WDR35: variants seen among roughly 807,000 people sequenced by gnomAD.
WDR35 encodes the protein WD repeat domain 35.
In WDR35, 118 loss-of-function variants were observed where a neutral mutation model predicts 158.3. The observed-to-expected ratio is 0.75, with a 90% CI of 0.64 to 0.87. The LOEUF is 0.87. Among genes scored for constraint, WDR35 ranks in the 40% least tolerant of loss-of-function variants. The pLI is 0.00. For synonymous variants in WDR35, 448 were observed against 476.1 expected (o/e 0.94, Z 0.77); for missense variants, 1,263 against 1,405.8 (o/e 0.90, Z 1.62).
Position 19,989,285 on chromosome 2 carries a change from GA to G in WDR35, c.25-4del, listed in dbSNP as rs1349422608. On this transcript the variant is annotated splice_region_variant and splice_polypyrimidine_tract_variant and intron_variant, in intron 1 of 26. Transcript: ENST00000281405. ...TTCACGTTATTGGGAATGGAAATCT[GA>G]AAAAGCAACCACAGCCGCACTAGCA... 8.7e-6 allele frequency: 14 copies of G among 1,613,644 alleles called. 1 individual carries two copies. In the South Asian group the frequency reaches 1.4e-4, roughly 16 times the overall value.
At position 19,953,994 on chromosome 2, in the gene WDR35, T is replaced by C. The variant is rs1470907087; in HGVS notation, c.1256-16A>G. On this transcript the variant is annotated splice_polypyrimidine_tract_variant and intron_variant, in intron 11 of 26. Coordinates refer to ENST00000281405, the MANE Select transcript of WDR35 (RefSeq NM_020779.4). ...AACAATGGTACTGTTAAAAATAACA[T>C]TAAGATAATTTACAGTTACACAGAA... 2 of 1,613,882 alleles carry C rather than the reference T, an allele frequency of 1.2e-6. No homozygotes were observed. The highest frequency in any genetic ancestry group is 2.2e-5 in the East Asian group (1 of 44,866).
At chr2:19,979,542 A>T (rs1187457972) in intron 4 of WDR35, among the ~76,000 whole-genome samples, 1 of 152,218 alleles carries the variant, frequency 6.6e-6, no homozygotes, top group Non-Finnish European at 1.5e-5. Flanking sequence ...TAGCATAACC[A>T]AACTAGAAGC....
At chr2:19,980,657 G>A in intron 4 of WDR35, 34 bp downstream of exon 4, 1 of 1,584,266 alleles carries the variant, frequency 6.3e-7, no homozygotes, top group Non-Finnish European at 8.7e-7. Flanking sequence ...GCCAACTTGT[G>A]AAAAATTAAA....
At chr2:19,924,749 C>A (rs962525514) in intron 25 of WDR35, among the ~76,000 whole-genome samples, 1 of 152,026 alleles carries the variant, frequency 6.6e-6, no homozygotes, top group Non-Finnish European at 1.5e-5. Context: ...TCTGCTAGCA[C>A]GAGCAATGGC....
At chr2:19,926,694 C>T (rs185745489) in intron 25 of WDR35, among the ~76,000 whole-genome samples, 307 of 152,306 alleles carry the variant, frequency 2.0e-3, no homozygotes, top group African/African-American at 7.0e-3. Flanking sequence ...TCTACAGAAA[C>T]CAGCTGCAAA....
Position 19,978,788 on chromosome 2 carries a change from T to C in WDR35, c.399A>G (p.Val133=), listed in dbSNP as rs538156388. 8.6e-5 allele frequency: 138 copies of C among 1,613,900 alleles called. 1 individual carries two copies. The South Asian group carries it at 1.3e-3, about 15-fold the overall frequency. The change falls in exon 5 of 27, where the codon GTA becomes GTG. Residue 133 remains valine (V), a synonymous_variant. Coordinates refer to ENST00000281405, the MANE Select transcript of WDR35 (RefSeq NM_020779.4). ...CAACTATCACAGCCCCATCTTCATA[T>C]ACAATGCAGATCTTCTGTCCGTCAG... The part of the protein sequence containing the change: ...WNADGQKICI[V]YEDGAVIVGS...
At chr2:19,914,397 A>T in intron 25 of WDR35, 120 bp from the exon 26 acceptor site, 2 of 1,334,468 alleles carry the variant, frequency 1.5e-6, no homozygotes, top group Non-Finnish European at 2.1e-6. Context: ...CTGAAAGCAA[A>T]CAGTGTTGAG....
At chr2:19,949,612 A>T (rs1671170244) in intron 13 of WDR35, among the ~76,000 whole-genome samples, 1 of 152,248 alleles carries the variant, frequency 6.6e-6, no homozygotes, top group Non-Finnish European at 1.5e-5. Flanking sequence ...CAATAGCCAC[A>T]TACGGCTAAT....
chr2:19,969,559 G>T lies in WDR35; in HGVS notation c.929C>A (p.Ser310Tyr). Residue 310 changes from serine to tyrosine, a missense_variant, in exon 9 of 27, where the codon TCT (serine) becomes TAT (tyrosine). By Grantham distance (144) the Ser-to-Tyr change is moderately radical (BLOSUM62 -2). Transcript: ENST00000281405. ...KVPGKEISAL[S>Y]WEGGGLKIAL... Reference sequence around the variant, plus strand: ...AATTTTCAGTCCACCTCCTTCCCAAGATAGTGCAGATATTTCCTTTCCAGG... The same window carrying T: ...AATTTTCAGTCCACCTCCTTCCCAATATAGTGCAGATATTTCCTTTCCAGG... 2.5e-6 allele frequency: 4 copies of T among 1,613,868 alleles called. No homozygotes were observed. The highest frequency in any genetic ancestry group is 3.4e-6 in the Non-Finnish European group (4 of 1,179,916).
intron 11 of WDR35, among the ~76,000 whole-genome samples, chr2:19,959,974 A>G (rs979880032): frequency 2.0e-5 from 3 of 152,004 alleles, no homozygotes; most frequent in Admixed American, 2.0e-4. Flanking sequence ...TTACTTTCAT[A>G]GTTATTGGGT....
intron 8 of WDR35, among the ~76,000 whole-genome samples, chr2:19,973,315 A>G (rs978416663): frequency 1.3e-5 from 2 of 152,132 alleles, no homozygotes; most frequent in African/African-American, 4.8e-5. Flanking sequence ...TAACTACTCC[A>G]TGGTGATTTC....
Position 19,913,713 on chromosome 2 carries a change from A to G in WDR35, c.3363-5T>C, listed in dbSNP as rs1669905209. 1 of 1,614,100 alleles carries G rather than the reference A, an allele frequency of 6.2e-7. No individual in the cohort carries two copies. The highest frequency in any genetic ancestry group is 2.2e-5 in the East Asian group (1 of 44,866). Reference sequence around the variant, plus strand: ...GTTGGCAGTTTCCCTTCTCCACTGTAAAACGGGGAGAAACAATTCATTATA... The same window carrying G: ...GTTGGCAGTTTCCCTTCTCCACTGTGAAACGGGGAGAAACAATTCATTATA... On this transcript the variant is annotated splice_polypyrimidine_tract_variant and splice_region_variant and intron_variant, in intron 26 of 26. Transcript: ENST00000281405.
At chr2:19,964,695 C>T (rs1002942336) in intron 10 of WDR35, among the ~76,000 whole-genome samples, 5 of 152,024 alleles carry the variant, frequency 3.3e-5, no homozygotes, top group African/African-American at 9.7e-5. Flanking sequence ...CTAAGCTTCC[C>T]GGACTGGTCC....
At chr2:19,980,826 T>C in intron 3 of WDR35, 43 bp from the exon 4 acceptor site, 1 of 1,549,234 alleles carries the variant, frequency 6.5e-7, no homozygotes. Context: ...AGGTTACAAT[T>C]AATTTCAAAT....
At chr2:19,984,749 G>C (rs921364741) in intron 2 of WDR35, among the ~76,000 whole-genome samples, 1 of 152,226 alleles carries the variant, frequency 6.6e-6, no homozygotes, top group Non-Finnish European at 1.5e-5. Flanking sequence ...CTTTCTCTTA[G>C]AAAAGCGTGA....
chr2:19,959,480 G>A (rs114347963), intron 11 of WDR35, among the ~76,000 whole-genome samples: 12,819 of 151,826 alleles, frequency 0.084, 628 homozygotes, highest in East Asian at 0.23. Context: ...ATATATATGT[G>A]TATATAAATA....
Position 19,946,572 on chromosome 2 carries a change from T to A in WDR35, c.1525-2A>T, listed in dbSNP as rs1486662314. On this transcript the variant is annotated splice_acceptor_variant, in intron 14 of 26. Transcript: ENST00000281405. LOFTEE classifies it high-confidence loss of function. ...CTGAATGGTGCCAGATTCACGACCC[T>A]ATGGAAATTACTTTTGATTACTTAA... 1 of 1,612,634 alleles carries A rather than the reference T, an allele frequency of 6.2e-7. No individual in the cohort carries two copies. The highest frequency in any genetic ancestry group is 8.5e-7 in the Non-Finnish European group (1 of 1,178,964).
intron 2 of WDR35, among the ~76,000 whole-genome samples, chr2:19,986,642 T>C (rs1187181793): frequency 2.0e-5 from 3 of 152,070 alleles, no homozygotes; most frequent in Non-Finnish European, 2.9e-5. Flanking sequence ...AGAGGACTGA[T>C]ATTGAAAGGA....
In WDR35 at chr2:19,913,518, G is replaced by A; in HGVS notation, c.*40C>T. The A allele has an allele frequency of 6.2e-7, 1 of 1,605,648 alleles. No homozygotes were observed. The highest frequency in any genetic ancestry group is 8.5e-7 in the Non-Finnish European group (1 of 1,172,432). ...ATACAGCATATAGCCATGTATATATGCTACATATATTTTACAGTTATATAC... is the reference window on the plus strand; with the variant it reads ...ATACAGCATATAGCCATGTATATATACTACATATATTTTACAGTTATATAC... On this transcript the variant is annotated 3_prime_UTR_variant, in exon 27 of 27. Coordinates refer to ENST00000281405, the MANE Select transcript of WDR35 (RefSeq NM_020779.4).
Sources: gnomAD v4.1 joint callset for allele counts (sites outside exome capture counted in the v4.1 genomes callset) on GRCh38, gnomAD v4.1.1 for gene constraint, MANE v1.5 for transcripts, NCBI Gene and HGNC (gene_info 2026-07-23, HGNC 2026-07-21) for gene names.